GET1: variants seen among roughly 807,000 people sequenced by gnomAD.
GET1 encodes the protein guided entry of tail-anchored proteins factor 1.
A neutral mutation model predicts 22.6 loss-of-function variants in GET1; 20 were observed. The observed-to-expected ratio is 0.89, with a 90% CI of 0.62 to 1.29. GET1 has a LOEUF of 1.29. Ranked by LOEUF, GET1 falls within the 50% of genes most tolerant of loss-of-function variation. GET1 has a pLI of 0.00. For synonymous variants in GET1, 92 were observed against 83.8 expected, an observed-to-expected ratio of 1.10 and a Z score of -0.53; for missense variants, 209 against 219.9, an observed-to-expected ratio of 0.95 and a Z score of 0.31.
intron 1 of GET1, among the ~76,000 whole-genome samples, chr21:39,381,160 G>T (rs1023907129): frequency 6.6e-6 from 1 of 152,162 alleles, no homozygotes; most frequent in Non-Finnish European, 1.5e-5. Context: ...GTGACTGGAG[G>T]TGGAGATTTG....
chr21:39,417,330 G>A (rs1326822114), intron 1 of GET1, among the ~76,000 whole-genome samples: 1 of 152,162 alleles, frequency 6.6e-6, no homozygotes, highest in Non-Finnish European at 1.5e-5. Flanking sequence ...ATGAGCCACT[G>A]TACCCAGCTG....
chr21:39,399,723 G>A (rs1228696968), downstream of GET1, among the ~76,000 whole-genome samples: 5 of 152,090 alleles, frequency 3.3e-5, no homozygotes, highest in Non-Finnish European at 7.4e-5. Context: ...ACAGACCTGA[G>A]CCACCACGCC....
At chr21:39,417,251 G>A (rs1004668695) in intron 1 of GET1, among the ~76,000 whole-genome samples, 4 of 152,086 alleles carry the variant, frequency 2.6e-5, no homozygotes, top group African/African-American at 9.7e-5. Flanking sequence ...TGTTGGCCAG[G>A]CTGGTCTTGA....
chr21:39,380,638 G>A lies in GET1; in HGVS notation c.102+152G>A, dbSNP rs1601586986. 16 of 1,442,056 alleles carry A rather than the reference G, an allele frequency of 1.1e-5. No individual in the cohort carries two copies. The East Asian group carries it at 2.5e-4, about 23-fold the overall frequency. The allele number at this position is 1,442,056 out of a possible 1,614,324, so 89.3% of individuals were successfully genotyped here. On this transcript the variant is annotated intron_variant, in intron 1 of 4. Coordinates refer to ENST00000649170, the MANE Select transcript of GET1 (RefSeq NM_004627.6). Reference sequence around the variant, plus strand: ...AAGCTTTTTTGAGATAGTTGTTAGCGTCTAAAAGGTACGACGCTTTACCCC... The same window carrying A: ...AAGCTTTTTTGAGATAGTTGTTAGCATCTAAAAGGTACGACGCTTTACCCC...
chr21:39,419,523 C>A (rs201923803), intron 1 of GET1, among the ~76,000 whole-genome samples: 211 of 123,382 alleles, frequency 1.7e-3, no homozygotes, highest in Admixed American at 2.1e-3. Context: ...AGACCCTGTT[C>A]AAAAAAAAAA....
downstream of GET1, among the ~76,000 whole-genome samples, chr21:39,400,402 A>G (rs958029165): frequency 1.3e-5 from 2 of 152,202 alleles, no homozygotes; most frequent in South Asian, 4.1e-4. Context: ...AAGTGCCTTT[A>G]GGGCCAGAGA....
In GET1 at chr21:39,396,961, C is replaced by T. The variant is rs778312240; in HGVS notation, c.*22C>T. ...CTGAACAGGAGGATGGATACAGCCGCGAGGCTAAAAAACGGATTTCCTCTT... is the reference window on the plus strand; with the variant it reads ...CTGAACAGGAGGATGGATACAGCCGTGAGGCTAAAAAACGGATTTCCTCTT... On this transcript the variant is annotated 3_prime_UTR_variant, in exon 5 of 5. Transcript: ENST00000649170. The T allele has an allele frequency of 1.8e-5, 29 of 1,611,234 alleles. No homozygotes were observed. The South Asian group carries it at 1.9e-4, about 10-fold the overall frequency.
chr21:39,408,337 T>C (rs558043922), downstream of GET1, among the ~76,000 whole-genome samples: 43 of 152,228 alleles, frequency 2.8e-4, no homozygotes, highest in African/African-American at 1.0e-3. Context: ...CTAGTGAAGG[T>C]TGTGCTCTTT....
At chr21:39,392,100 T>C in intron 3 of GET1, 2 of 443,280 alleles carry the variant, frequency 4.5e-6, no homozygotes, top group South Asian at 5.6e-5. Context: ...TCACCATGCC[T>C]GCATCCCAGT....
chr21:39,395,521 G>C (rs1392668879), intron 4 of GET1, among the ~76,000 whole-genome samples: 1 of 151,820 alleles, frequency 6.6e-6, no homozygotes, highest in Admixed American at 6.6e-5. Flanking sequence ...CCCACCACAC[G>C]CCCGACTAGT....
chr21:39,402,644 T>A (rs142788728), downstream of GET1, among the ~76,000 whole-genome samples: 200 of 152,354 alleles, frequency 1.3e-3, 2 homozygotes, highest in African/African-American at 4.3e-3. Context: ...AGCAGCTGAT[T>A]TAGAAACGTT....
chr21:39,425,241 T>C (rs1227956801), intron 1 of GET1, among the ~76,000 whole-genome samples: 2 of 152,144 alleles, frequency 1.3e-5, no homozygotes, highest in Non-Finnish European at 2.9e-5. Context: ...CTGGTCCAAG[T>C]GTGGACACAT....
chr21:39,413,971 ACGGTCCTC>A (rs1397600501), intron 1 of GET1: 2 of 152,314 alleles, frequency 1.3e-5, no homozygotes, highest in African/African-American at 4.8e-5. Context: ...AACCTGGAGG[ACGGTCCTC>A]CTTGCGGCTT....
rs372921323 is a variant in GET1 at position 39,404,934 on chromosome 21, C to T, written c.350-980C>T. Among the ~76,000 whole-genome samples, 418 of 150,748 alleles carry T rather than the reference C, an allele frequency of 2.8e-3. 4 individuals are homozygous for T. Among genetic ancestry groups the T allele is most frequent in the African/African-American group, 9.6e-3 (395 of 41,050 alleles). On this transcript the variant is annotated intron_variant, in intron 4 of 4. Transcript: ENST00000415847. ...CAGCCTCTGCCTCCTGGGGTTCCAGCGATTCTCCTGCCTCAGCCTCCTGGG... is the reference window on the plus strand; with the variant it reads ...CAGCCTCTGCCTCCTGGGGTTCCAGTGATTCTCCTGCCTCAGCCTCCTGGG...
At chr21:39,414,973 G>A (rs1355917361) in intron 1 of GET1, among the ~76,000 whole-genome samples, 7 of 151,908 alleles carry the variant, frequency 4.6e-5, no homozygotes, top group Admixed American at 2.0e-4. Flanking sequence ...GTGCAGTGGC[G>A]CCATCACTAA....
At chr21:39,412,119 CACTA>C (rs2040192651) in intron 1 of GET1, among the ~76,000 whole-genome samples, 1 of 152,124 alleles carries the variant, frequency 6.6e-6, no homozygotes, top group African/African-American at 2.4e-5. Flanking sequence ...TTACAGTAGC[CACTA>C]ACTATATGTT....
chr21:39,416,579 T>G (rs984127772), intron 1 of GET1, among the ~76,000 whole-genome samples: 1 of 152,312 alleles, frequency 6.6e-6, no homozygotes, highest in South Asian at 2.1e-4. Context: ...TTGCTCCTGG[T>G]TACTCTGAGA....
At chr21:39,400,476 C>T (rs928098611), downstream of GET1, among the ~76,000 whole-genome samples, 4 of 152,168 alleles carry the variant, frequency 2.6e-5, no homozygotes, top group Admixed American at 1.3e-4. Flanking sequence ...GAGTATTTAA[C>T]TCACAATCAC....
chr21:39,420,279 T>C (rs1336288076), intron 1 of GET1, among the ~76,000 whole-genome samples: 1 of 152,130 alleles, frequency 6.6e-6, no homozygotes, highest in East Asian at 1.9e-4. Flanking sequence ...CCCAGCACTA[T>C]GGGAGACCAA....
Sources: allele counts gnomAD v4.1 joint callset (sites outside exome capture counted in the v4.1 genomes callset), GRCh38; gene constraint gnomAD v4.1.1; transcripts MANE v1.5; gene names NCBI Gene and HGNC (gene_info 2026-07-23, HGNC 2026-07-21).